CBLB: variants seen among roughly 807,000 people sequenced by gnomAD.
CBLB encodes the protein E3 ubiquitin-protein ligase CBL-B.
CBLB carries 31 observed loss-of-function variants against 104.9 expected under a neutral mutation model. The ratio of observed to expected loss-of-function variants is 0.30; its 90% CI spans 0.22 to 0.40. The LOEUF is 0.40. Ranked by LOEUF, CBLB falls within the 10% of genes least tolerant of loss-of-function variation. CBLB has a pLI of 1.00. For missense variants in CBLB, 1,062 were observed against 1,214.6 expected (o/e 0.87, Z 1.87); for synonymous variants, 440 against 422.6 (o/e 1.04, Z -0.51).
intron 2 of CBLB, among the ~76,000 whole-genome samples, chr3:105,861,696 C>T (rs561546010): frequency 6.6e-6 from 1 of 151,100 alleles, no homozygotes; most frequent in East Asian, 1.9e-4. Context: ...CACACACACA[C>T]ACACACACAC....
chr3:105,743,747 T>C lies in CBLB; in HGVS notation c.845+2170A>G, dbSNP rs1235242439. On this transcript the variant is annotated intron_variant, in intron 6 of 18. Transcript: ENST00000394030. Reference sequence around the variant, plus strand: ...CTTTCCAAGATAAAAAAAAAAAAAATGTTAAACACAGATATTCTCCAAAGC... The same window carrying C: ...CTTTCCAAGATAAAAAAAAAAAAAACGTTAAACACAGATATTCTCCAAAGC... Among the ~76,000 whole-genome samples, 12 of 148,020 alleles carry C rather than the reference T, an allele frequency of 8.1e-5. No homozygotes were observed. The Admixed American group carries it at 8.1e-4, about 10-fold the overall frequency.
At chr3:105,759,969 T>C (rs1448246882) in intron 4 of CBLB, among the ~76,000 whole-genome samples, 1 of 152,208 alleles carries the variant, frequency 6.6e-6, no homozygotes, top group Non-Finnish European at 1.5e-5. Flanking sequence ...GGGGCCATCA[T>C]TACTTCTCTG....
At chr3:105,744,640 A>T (rs543370050) in intron 6 of CBLB, among the ~76,000 whole-genome samples, 68 of 152,286 alleles carry the variant, frequency 4.5e-4, no homozygotes, top group African/African-American at 1.2e-3. Flanking sequence ...CTTAAAAAAA[A>T]AACTGTTTTG....
chr3:105,712,135 G>A (rs2071203542), intron 10 of CBLB, among the ~76,000 whole-genome samples: 3 of 152,114 alleles, frequency 2.0e-5, no homozygotes, highest in African/African-American at 7.2e-5. Flanking sequence ...TTATGAGAGG[G>A]ACTTGATCTC....
At chr3:105,685,210 C>T (rs894781687) in intron 14 of CBLB, 110 bp downstream of exon 14, 2 of 960,526 alleles carry the variant, frequency 2.1e-6, no homozygotes, top group African/African-American at 3.2e-5. Context: ...AGGATTTGAG[C>T]TGGAAATTAA....
At chr3:105,817,477 T>C (rs2085224033) in intron 3 of CBLB, among the ~76,000 whole-genome samples, 1 of 152,134 alleles carries the variant, frequency 6.6e-6, no homozygotes, top group South Asian at 2.1e-4. Flanking sequence ...TACCGGCATT[T>C]AGGAGGATGA....
At chr3:105,829,303 T>C (rs78188796) in intron 3 of CBLB, among the ~76,000 whole-genome samples, 17,840 of 152,142 alleles carry the variant, frequency 0.12, 1,276 homozygotes, top group East Asian at 0.41. Flanking sequence ...CGAATACTGT[T>C]TGTCTTTCCA....
At chr3:105,678,689 G>T (rs1015229761) in intron 16 of CBLB, 118 bp from the exon 17 acceptor site, 10 of 1,186,112 alleles carry the variant, frequency 8.4e-6, no homozygotes, top group Admixed American at 5.9e-5. Context: ...CACTCGCAGG[G>T]TTTATCCAGC....
intron 3 of CBLB, among the ~76,000 whole-genome samples, chr3:105,836,608 G>A (rs1295306015): frequency 2.0e-5 from 3 of 152,092 alleles, no homozygotes; most frequent in Admixed American, 6.5e-5. Flanking sequence ...CCACAGTATG[G>A]CCTGAGAAAT....
intron 4 of CBLB, among the ~76,000 whole-genome samples, chr3:105,773,920 G>A (rs547194879): frequency 3.2e-4 from 48 of 152,360 alleles, no homozygotes; most frequent in African/African-American, 1.2e-3. Flanking sequence ...GGCAGGCAGT[G>A]CCTCTTGGCT....
chr3:105,763,895 C>A (rs1040181105), intron 4 of CBLB, among the ~76,000 whole-genome samples: 1 of 152,126 alleles, frequency 6.6e-6, no homozygotes, highest in African/African-American at 2.4e-5. Context: ...GGCTAGAGTA[C>A]CAGCATTTTC....
intron 18 of CBLB, among the ~76,000 whole-genome samples, chr3:105,662,199 C>T (rs1168841963): frequency 6.6e-6 from 1 of 152,036 alleles, no homozygotes; most frequent in Non-Finnish European, 1.5e-5. Context: ...ACGCAGCCTT[C>T]ACTTTCTCCA....
chr3:105,703,414 C>T (rs2052600771), intron 11 of CBLB, among the ~76,000 whole-genome samples: 1 of 152,078 alleles, frequency 6.6e-6, no homozygotes, highest in African/African-American at 2.4e-5. Context: ...AAAAAATCCA[C>T]ACAGTAAAAT....
chr3:105,817,629 G>C (rs1373615435), intron 3 of CBLB, among the ~76,000 whole-genome samples: 1 of 152,274 alleles, frequency 6.6e-6, no homozygotes, highest in African/African-American at 2.4e-5. Context: ...CAATGAGGCC[G>C]AATGAGGCCT....
At chr3:105,755,270 T>C (rs980739044) in intron 4 of CBLB, among the ~76,000 whole-genome samples, 3 of 151,716 alleles carry the variant, frequency 2.0e-5, no homozygotes, top group African/African-American at 7.3e-5. Context: ...TGAGTGAGAA[T>C]ATGCGGTGGA....
intron 14 of CBLB, 124 bp downstream of exon 14, chr3:105,685,196 G>A (rs1259620004): frequency 1.2e-6 from 1 of 845,334 alleles, no homozygotes; most frequent in African/African-American, 1.7e-5. Flanking sequence ...ATAATAGGAA[G>A]AGAAGGATTT....
chr3:105,868,808 T>C lies in CBLB; in HGVS notation c.-87A>G. 1 of 995,198 alleles carries C rather than the reference T, an allele frequency of 1.0e-6. No homozygotes were observed. Among genetic ancestry groups the C allele is most frequent in the Non-Finnish European group, 1.2e-6 (1 of 836,802 alleles). 61.6% of individuals were successfully genotyped at this position (995,198 alleles called of 1,614,324 possible). On this transcript the variant is annotated 5_prime_UTR_variant, in exon 1 of 19. Coordinates refer to ENST00000394030, the MANE Select transcript of CBLB (RefSeq NM_170662.5). ...CTCCACACGCACGCAGCCCAGTGTG[T>C]GTGGGGAGCCCCGGCTGGGAGTGGG...
At chr3:105,691,525 T>C (rs1199994826) in intron 13 of CBLB, among the ~76,000 whole-genome samples, 1 of 152,224 alleles carries the variant, frequency 6.6e-6, no homozygotes, top group South Asian at 2.1e-4. Context: ...CTTGCCAATA[T>C]GAATTTAATA....
At chr3:105,861,028 C>A (rs144851663) in intron 2 of CBLB, among the ~76,000 whole-genome samples, 1,853 of 151,964 alleles carry the variant, frequency 0.012, 13 homozygotes, top group Middle Eastern at 0.027. Context: ...ATAAGCTCAA[C>A]AATCATCTAA....
Sources: allele counts gnomAD v4.1 joint callset (sites outside exome capture counted in the v4.1 genomes callset), GRCh38; gene constraint gnomAD v4.1.1; transcripts MANE v1.5; gene names NCBI Gene and HGNC (gene_info 2026-07-23, HGNC 2026-07-21).